MDGA2: variants seen among roughly 807,000 people sequenced by gnomAD.
MDGA2 encodes the protein MAM domain-containing glycosylphosphatidylinositol anchor protein 2.
MDGA2 carries 40 observed loss-of-function variants against 117.8 expected under a neutral mutation model. The ratio of observed to expected loss-of-function variants is 0.34; its 90% confidence interval spans 0.26 to 0.44. The LOEUF (loss-of-function observed/expected upper bound fraction) is 0.44, where lower values mean the gene tolerates loss of function less well. Ranked by LOEUF, MDGA2 falls within the 20% of genes least tolerant of loss-of-function variation. MDGA2 has a pLI of 1.00. For synonymous variants in MDGA2, 452 were observed against 439.0 expected (o/e 1.03, Z -0.37); for missense variants, 1,123 against 1,250.6 (o/e 0.90, Z 1.54).
intron 1 of MDGA2, among the ~76,000 whole-genome samples, chr14:47,654,548 C>A (rs901058645): frequency 2.0e-5 from 3 of 152,026 alleles, no homozygotes; most frequent in African/African-American, 7.2e-5. Flanking sequence ...CCAATATGTT[C>A]CAGTAGAATC....
intron 8 of MDGA2, among the ~76,000 whole-genome samples, chr14:47,003,223 T>C (rs1453420919): frequency 6.6e-6 from 1 of 152,130 alleles, no homozygotes; most frequent in Non-Finnish European, 1.5e-5. Context: ...GACATTTGAG[T>C]TGTTGCCAGC....
chr14:47,347,077 T>C (rs1172642340), intron 1 of MDGA2, among the ~76,000 whole-genome samples: 1 of 152,140 alleles, frequency 6.6e-6, no homozygotes, highest in Non-Finnish European at 1.5e-5. Context: ...TTCTAAAGTA[T>C]ATAAAACAAG....
intron 1 of MDGA2, among the ~76,000 whole-genome samples, chr14:47,526,296 T>G (rs1018891834): frequency 6.6e-6 from 1 of 152,200 alleles, no homozygotes; most frequent in Admixed American, 6.5e-5. Flanking sequence ...GTACACAAGA[T>G]ATTGCACAAA....
chr14:47,621,037 C>A (rs1594947700), intron 1 of MDGA2, among the ~76,000 whole-genome samples: 1 of 152,270 alleles, frequency 6.6e-6, no homozygotes, highest in Admixed American at 6.5e-5. Context: ...TTAAACAGAG[C>A]AAATCCTTTG....
At chr14:46,946,100 A>C (rs1885163460) in intron 9 of MDGA2, among the ~76,000 whole-genome samples, 1 of 152,116 alleles carries the variant, frequency 6.6e-6, no homozygotes, top group Non-Finnish European at 1.5e-5. Context: ...AAAAATCTTT[A>C]AAACTCTAAA....
chr14:47,612,203 G>GACAA (rs531662721), intron 1 of MDGA2, among the ~76,000 whole-genome samples: 66 of 143,880 alleles, frequency 4.6e-4, no homozygotes, highest in African/African-American at 1.5e-3. Flanking sequence ...TAGATAGATA[G>GACAA]ATAGACAGAT....
intron 1 of MDGA2, among the ~76,000 whole-genome samples, chr14:47,452,916 T>C (rs1275214624): frequency 6.6e-6 from 1 of 152,084 alleles, no homozygotes; most frequent in African/African-American, 2.4e-5. Flanking sequence ...TCTGAGACCA[T>C]GAGTCACATT....
In MDGA2 at chr14:46,984,622, A is replaced by C. The variant is rs568321021; in HGVS notation, c.1820-26979T>G. ...CCTTGTCCATCAATTCCACAGTTAT[A>C]ATCTTACACAATGGATTTATAGTAC... On this transcript the variant is annotated intron_variant, in intron 8 of 16. Transcript: ENST00000399232. Among the ~76,000 whole-genome samples the C allele has an allele frequency of 6.7e-4, 102 of 152,074 alleles. 1 individual carries two copies. The highest frequency in any genetic ancestry group is 2.4e-3 in the African/African-American group (98 of 41,550).
At chr14:46,858,873 G>A (rs1881391932) in intron 14 of MDGA2, among the ~76,000 whole-genome samples, 1 of 151,962 alleles carries the variant, frequency 6.6e-6, no homozygotes, top group South Asian at 2.1e-4. Flanking sequence ...GTGAGTAATG[G>A]GCATTGTAGA....
intron 1 of MDGA2, among the ~76,000 whole-genome samples, chr14:47,333,066 G>C (rs113486826): frequency 0.029 from 4,358 of 152,022 alleles, 208 homozygotes; most frequent in African/African-American, 0.099. Context: ...CATTTAGGTT[G>C]ATTCCATCTT....
Position 47,593,581 on chromosome 14 carries a change from C to T in MDGA2, c.280+80936G>A, listed in dbSNP as rs190137107. Among the ~76,000 whole-genome samples the T allele has an allele frequency of 5.1e-3, 782 of 152,220 alleles. 9 individuals are homozygous for T. Among genetic ancestry groups the T allele is most frequent in the Non-Finnish European group, 4.3e-3 (293 of 68,018 alleles). ...AACGAGACCATGTCCTTTGCAGGGACATGGATGGAGTTGGAAGCCATTATT... is the reference window on the plus strand; with the variant it reads ...AACGAGACCATGTCCTTTGCAGGGATATGGATGGAGTTGGAAGCCATTATT... On this transcript the variant is annotated intron_variant, in intron 1 of 16. Transcript: ENST00000399232.
intron 1 of MDGA2, among the ~76,000 whole-genome samples, chr14:47,373,842 C>A (rs1891419443): frequency 6.6e-6 from 1 of 152,102 alleles, no homozygotes; most frequent in African/African-American, 2.4e-5. Flanking sequence ...CTCGATGTAG[C>A]TGAAAGAAAA....
intron 3 of MDGA2, among the ~76,000 whole-genome samples, chr14:47,209,096 A>G (rs1885790847): frequency 6.6e-6 from 1 of 152,104 alleles, no homozygotes; most frequent in African/African-American, 2.4e-5. Context: ...GGGCTAATGA[A>G]TGTCATGCAT....
At chr14:47,492,759 A>AT (rs1476388232) in intron 1 of MDGA2, among the ~76,000 whole-genome samples, 2 of 151,992 alleles carry the variant, frequency 1.3e-5, no homozygotes, top group South Asian at 2.1e-4. Flanking sequence ...CATACAAGAA[A>AT]TTTTTTTTAC....
chr14:47,433,681 T>G (rs928669856), intron 1 of MDGA2, among the ~76,000 whole-genome samples: 5 of 152,160 alleles, frequency 3.3e-5, no homozygotes, highest in African/African-American at 1.2e-4. Flanking sequence ...ATTTACATTG[T>G]TATTCCATGA....
At chr14:47,064,562 A>G (rs1282136041) in intron 6 of MDGA2, among the ~76,000 whole-genome samples, 1 of 152,114 alleles carries the variant, frequency 6.6e-6, no homozygotes, top group East Asian at 1.9e-4. Context: ...GTCTGGGTAC[A>G]TTGAGAATTT....
intron 10 of MDGA2, 56 bp downstream of exon 10, chr14:46,919,956 A>C: frequency 6.8e-7 from 1 of 1,464,236 alleles, no homozygotes; most frequent in East Asian, 2.4e-5. Flanking sequence ...AAATGATAAC[A>C]ACAAGGTCTT....
intron 1 of MDGA2, among the ~76,000 whole-genome samples, chr14:47,578,334 A>G (rs1896154372): frequency 6.6e-6 from 1 of 152,126 alleles, no homozygotes; most frequent in African/African-American, 2.4e-5. Context: ...ACAGGTTGAT[A>G]GGCCCAGCAC....
At chr14:47,299,092 T>C (rs1435986446) in intron 2 of MDGA2, among the ~76,000 whole-genome samples, 2 of 152,180 alleles carry the variant, frequency 1.3e-5, no homozygotes, top group Non-Finnish European at 2.9e-5. Flanking sequence ...CAATACATTT[T>C]TCTTAGGATC....
Sources: gnomAD v4.1 joint callset for allele counts (sites outside exome capture counted in the v4.1 genomes callset) on GRCh38, gnomAD v4.1.1 for gene constraint, MANE v1.5 for transcripts, NCBI Gene and HGNC (gene_info 2026-07-23, HGNC 2026-07-21) for gene names.